MARCHF1: variants seen among roughly 807,000 people sequenced by gnomAD.
MARCHF1 encodes the protein E3 ubiquitin-protein ligase MARCHF1.
A neutral mutation model predicts 54.2 loss-of-function variants in MARCHF1; 40 were observed. The observed-to-expected ratio is 0.74, with a 90% CI of 0.57 to 0.96. The LOEUF is 0.96. Among genes scored for constraint, MARCHF1 ranks in the 40% least tolerant of loss-of-function variants. The probability of loss-of-function intolerance (pLI) is 0.00; values close to 1 mark genes in which losing one functional copy is unlikely to be tolerated. For synonymous variants in MARCHF1, 236 were observed against 236.3 expected (o/e 1.00, Z 0.01); for missense variants, 586 against 656.5 (o/e 0.89, Z 1.17).
chr4:164,093,364 T>C (rs933382796), intron 2 of MARCHF1, among the ~76,000 whole-genome samples: 3 of 152,256 alleles, frequency 2.0e-5, no homozygotes, highest in African/African-American at 7.2e-5. Flanking sequence ...ATGGATTTTA[T>C]CATACGAAGT....
chr4:163,637,124 A>T (rs900042959), intron 5 of MARCHF1, among the ~76,000 whole-genome samples: 1 of 151,626 alleles, frequency 6.6e-6, no homozygotes, highest in Non-Finnish European at 1.5e-5. Flanking sequence ...TAAGCGTTAG[A>T]CCTAAAACCA....
At chr4:164,122,971 T>G (rs1308479382) in intron 1 of MARCHF1, among the ~76,000 whole-genome samples, 1 of 152,040 alleles carries the variant, frequency 6.6e-6, no homozygotes, top group African/African-American at 2.4e-5. Context: ...ATTCAAGAAT[T>G]TCAAGAAAGA....
chr4:164,258,287 A>C (rs1733351034), intron 1 of MARCHF1, among the ~76,000 whole-genome samples: 2 of 152,002 alleles, frequency 1.3e-5, no homozygotes, highest in South Asian at 2.1e-4. Flanking sequence ...TAGGAGAAAT[A>C]CCTAATGTAG....
chr4:164,148,707 C>T (rs1343494841), intron 1 of MARCHF1, among the ~76,000 whole-genome samples: 2 of 152,112 alleles, frequency 1.3e-5, no homozygotes, highest in East Asian at 3.9e-4. Context: ...TTAGAAAATT[C>T]TAGCTAATTG....
intron 1 of MARCHF1, among the ~76,000 whole-genome samples, chr4:164,142,982 C>A (rs184867324): frequency 8.6e-5 from 13 of 151,856 alleles, no homozygotes; most frequent in African/African-American, 2.9e-4. Flanking sequence ...CTTAACGGAG[C>A]TGATGGAGCT....
At chr4:164,174,662 T>C (rs1225795535) in intron 1 of MARCHF1, among the ~76,000 whole-genome samples, 1 of 152,220 alleles carries the variant, frequency 6.6e-6, no homozygotes, top group Non-Finnish European at 1.5e-5. Context: ...ATTCATTTTT[T>C]CTATTGGGTT....
intron 4 of MARCHF1, among the ~76,000 whole-genome samples, chr4:163,725,616 T>G (rs112331905): frequency 1.2e-3 from 189 of 152,350 alleles, no homozygotes; most frequent in African/African-American, 4.3e-3. Context: ...TAAAATTAAT[T>G]TAAAACTAAA....
intron 1 of MARCHF1, among the ~76,000 whole-genome samples, chr4:164,380,267 T>A (rs975068652): frequency 6.6e-6 from 1 of 152,022 alleles, no homozygotes; most frequent in African/African-American, 2.4e-5. Context: ...CTTCTTTAAC[T>A]GAAACTAATT....
At chr4:163,627,692 C>G (rs1275812592) in intron 5 of MARCHF1, among the ~76,000 whole-genome samples, 13 of 151,916 alleles carry the variant, frequency 8.6e-5, no homozygotes, top group Non-Finnish European at 1.9e-4. Context: ...AAAAAAAACC[C>G]TAAAAATTTA....
intron 3 of MARCHF1, among the ~76,000 whole-genome samples, chr4:163,965,397 T>G (rs993084417): frequency 6.6e-6 from 1 of 152,048 alleles, no homozygotes; most frequent in Non-Finnish European, 1.5e-5. Flanking sequence ...ACTATTATTT[T>G]CAGCATCCCC....
At chr4:164,268,423 A>G (rs1321627685) in intron 1 of MARCHF1, among the ~76,000 whole-genome samples, 1 of 152,190 alleles carries the variant, frequency 6.6e-6, no homozygotes, top group Non-Finnish European at 1.5e-5. Flanking sequence ...GATTAGACAT[A>G]GCAGGTTTGA....
chr4:163,965,960 C>T (rs1261278554), intron 3 of MARCHF1, among the ~76,000 whole-genome samples: 1 of 151,926 alleles, frequency 6.6e-6, no homozygotes, highest in Non-Finnish European at 1.5e-5. Flanking sequence ...TTATGATATA[C>T]CCTGAGATTG....
intron 3 of MARCHF1, among the ~76,000 whole-genome samples, chr4:163,870,671 T>C (rs1195458550): frequency 1.3e-5 from 2 of 151,890 alleles, no homozygotes; most frequent in Non-Finnish European, 1.5e-5. Flanking sequence ...AAGAATAAAA[T>C]CCTGTCATTC....
At chr4:163,660,645 T>C (rs953412508) in intron 5 of MARCHF1, among the ~76,000 whole-genome samples, 2 of 152,050 alleles carry the variant, frequency 1.3e-5, no homozygotes, top group Non-Finnish European at 2.9e-5. Flanking sequence ...AACTGGTTTA[T>C]GATCACTTGG....
intron 1 of MARCHF1, among the ~76,000 whole-genome samples, chr4:164,215,142 G>A (rs1220043338): frequency 1.3e-5 from 2 of 152,252 alleles, no homozygotes; most frequent in South Asian, 2.1e-4. Context: ...TTGGTTTACC[G>A]GAAGAATTGG....
intron 5 of MARCHF1, among the ~76,000 whole-genome samples, chr4:163,642,184 C>T (rs1742577848): frequency 6.6e-6 from 1 of 152,156 alleles, no homozygotes; most frequent in Admixed American, 6.6e-5. Flanking sequence ...GTGGCGGTGC[C>T]AGTGATTGGG....
At chr4:163,644,878 G>A (rs1475727027) in intron 5 of MARCHF1, among the ~76,000 whole-genome samples, 1 of 152,152 alleles carries the variant, frequency 6.6e-6, no homozygotes. Context: ...TCCAGTCCCT[G>A]TAAACTGTGG....
chr4:163,971,098 G>T (rs968871913), intron 3 of MARCHF1, among the ~76,000 whole-genome samples: 3 of 152,160 alleles, frequency 2.0e-5, no homozygotes, highest in Non-Finnish European at 4.4e-5. Context: ...GTACTGTGCT[G>T]TAACCAAGAA....
intron 1 of MARCHF1, among the ~76,000 whole-genome samples, chr4:164,302,044 A>G (rs1163984302): frequency 6.6e-6 from 1 of 152,198 alleles, no homozygotes; most frequent in Non-Finnish European, 1.5e-5. Flanking sequence ...TAGGAGACAT[A>G]TTGCTGACAT....
Sources: allele counts gnomAD v4.1 joint callset (sites outside exome capture counted in the v4.1 genomes callset), GRCh38; gene constraint gnomAD v4.1.1; transcripts MANE v1.5; gene names NCBI Gene and HGNC (gene_info 2026-07-23, HGNC 2026-07-21).